Variants in HDAC9 observed in about 807,000 individuals in gnomAD.
HDAC9 encodes the protein histone deacetylase 9.
A neutral mutation model predicts 139.4 loss-of-function variants in HDAC9; 41 were observed. The observed-to-expected ratio is 0.29, with a 90% confidence interval of 0.23 to 0.38. The LOEUF is 0.38. Among genes scored for constraint, HDAC9 ranks in the 10% least tolerant of loss-of-function variants. HDAC9 has a pLI of 1.00. For missense variants in HDAC9, 1,147 were observed against 1,297.0 expected, an observed-to-expected ratio of 0.88 and a Z score of 1.78; for synonymous variants, 517 against 476.2, an observed-to-expected ratio of 1.09 and a Z score of -1.12.
chr7:18,345,233 A>C (rs575224389), intron 1 of HDAC9, among the ~76,000 whole-genome samples: 4 of 152,138 alleles, frequency 2.6e-5, no homozygotes, highest in Admixed American at 2.6e-4. Flanking sequence ...CTTCTAGATA[A>C]TGCTGTGTCC....
intron 1 of HDAC9, among the ~76,000 whole-genome samples, chr7:18,461,561 T>A (rs1245945390): frequency 6.6e-6 from 1 of 152,170 alleles, no homozygotes; most frequent in Admixed American, 6.6e-5. Flanking sequence ...TAATACAATT[T>A]CTTTTTTATT....
chr7:18,649,163 G>A (rs546660069), intron 11 of HDAC9, among the ~76,000 whole-genome samples: 2 of 152,268 alleles, frequency 1.3e-5, no homozygotes, highest in South Asian at 2.1e-4. Context: ...AGCGTTTGGA[G>A]TAGTTTCTCG....
chr7:18,829,036 A>T (rs1795666842), intron 17 of HDAC9, 125 bp from the exon 18 acceptor site: 1 of 724,032 alleles, frequency 1.4e-6, no homozygotes, highest in Admixed American at 2.0e-5. Flanking sequence ...ACAATCTCGG[A>T]AGCGTATGAG....
intron 2 of HDAC9, among the ~76,000 whole-genome samples, chr7:18,566,876 T>A (rs1320969526): frequency 1.3e-5 from 2 of 152,136 alleles, no homozygotes. Flanking sequence ...GTGTAGTGGA[T>A]GTAGTAGGTT....
In HDAC9 at chr7:18,207,474, G is replaced by A. The variant is rs75604122; in HGVS notation, c.25+45125G>A. The stretch of plus-strand genomic sequence containing the variant: ...CAGGATGGAGTGTAGTGGTGCAATC[G>A]TAGCTCACAGCAGCCTTGAACTCCT... On this transcript the variant is annotated intron_variant, in intron 2 of 12. Transcript: ENST00000417496. 1.0e-2 allele frequency among the ~76,000 whole-genome samples: 1,457 copies of A among 145,804 alleles called. 33 individuals carry two copies. The highest frequency in any genetic ancestry group is 0.034 in the African/African-American group (1,372 of 39,986).
At chr7:18,144,429 G>T (rs1375017777) in intron 1 of HDAC9, among the ~76,000 whole-genome samples, 1 of 152,094 alleles carries the variant, frequency 6.6e-6, no homozygotes. Context: ...TGGCCCTGTG[G>T]GTCCTACCTC....
chr7:18,100,227 G>A (rs1189844907), intron 1 of HDAC9, among the ~76,000 whole-genome samples: 1 of 151,608 alleles, frequency 6.6e-6, no homozygotes, highest in African/African-American at 2.4e-5. Context: ...GTCCTATAAC[G>A]TATTCTGTTT....
At chr7:18,782,884 T>A (rs1791370689) in intron 16 of HDAC9, among the ~76,000 whole-genome samples, 1 of 152,044 alleles carries the variant, frequency 6.6e-6, no homozygotes, top group South Asian at 2.1e-4. Context: ...GTTTGAATAG[T>A]TTGCAAGTGG....
chr7:18,403,974 G>C (rs1787776031), intron 1 of HDAC9, among the ~76,000 whole-genome samples: 1 of 152,188 alleles, frequency 6.6e-6, no homozygotes, highest in African/African-American at 2.4e-5. Flanking sequence ...TCCATGAAGA[G>C]GGGCGAGACC....
intron 17 of HDAC9, among the ~76,000 whole-genome samples, chr7:18,817,992 T>C (rs1006348072): frequency 3.3e-5 from 5 of 152,212 alleles, no homozygotes; most frequent in African/African-American, 1.2e-4. Context: ...TGATAATGCA[T>C]CGATATGAAT....
intron 1 of HDAC9, among the ~76,000 whole-genome samples, chr7:18,391,613 C>G (rs1786496664): frequency 6.6e-6 from 1 of 152,028 alleles, no homozygotes; most frequent in African/African-American, 2.4e-5. Flanking sequence ...ATAGTGTTAC[C>G]CAGAAGACAC....
At chr7:18,518,034 C>T (rs1258952289) in intron 2 of HDAC9, 5 of 152,172 alleles carry the variant, frequency 3.3e-5, no homozygotes, top group African/African-American at 7.2e-5. Context: ...ATTGTTTTCT[C>T]ATTTGAAATA....
chr7:18,420,847 G>T (rs948572997), intron 1 of HDAC9, among the ~76,000 whole-genome samples: 2 of 152,192 alleles, frequency 1.3e-5, no homozygotes. Flanking sequence ...ACCTGCTTTA[G>T]ATTGTGTGGT....
chr7:18,136,524 C>T (rs1785430806), intron 1 of HDAC9, among the ~76,000 whole-genome samples: 1 of 152,210 alleles, frequency 6.6e-6, no homozygotes, highest in Admixed American at 6.5e-5. Context: ...CTACATATGG[C>T]TAGCCAATTT....
chr7:18,587,521 A>G (rs1829795220), intron 3 of HDAC9, among the ~76,000 whole-genome samples: 2 of 152,176 alleles, frequency 1.3e-5, no homozygotes, highest in South Asian at 4.1e-4. Flanking sequence ...TTTTATTTTT[A>G]TGAGAAAGAT....
chr7:18,447,300 A>G (rs1040398453), intron 1 of HDAC9, among the ~76,000 whole-genome samples: 1 of 152,182 alleles, frequency 6.6e-6, no homozygotes, highest in African/African-American at 2.4e-5. Flanking sequence ...TATATTTTTT[A>G]TATTTTACAG....
At chr7:18,365,533 T>G (rs1270863626) in intron 1 of HDAC9, among the ~76,000 whole-genome samples, 1 of 152,124 alleles carries the variant, frequency 6.6e-6, no homozygotes, top group Non-Finnish European at 1.5e-5. Context: ...GTATTTTGTC[T>G]TCTTTCTCCA....
At chr7:18,956,033 T>C (rs1783120552) in intron 24 of HDAC9, among the ~76,000 whole-genome samples, 1 of 152,184 alleles carries the variant, frequency 6.6e-6, no homozygotes, top group African/African-American at 2.4e-5. Context: ...TCACTACTGA[T>C]GTTTTCAAGT....
Position 18,911,970 on chromosome 7 carries a change from G to A in HDAC9, c.2804-23839G>A, listed in dbSNP as rs559174304. ...TACTAATGAGAAGAATGTGTATTCT[G>A]CAGTTGTCAGATAAAATATTCTTTA... On this transcript the variant is annotated intron_variant, in intron 22 of 25. Coordinates refer to ENST00000686413, the MANE Select transcript of HDAC9 (RefSeq NM_178425.4). Among the ~76,000 whole-genome samples, 87 of 151,936 alleles carry A rather than the reference G, an allele frequency of 5.7e-4. 2 individuals are homozygous for A. The highest frequency in any genetic ancestry group is 4.4e-4 in the Non-Finnish European group (30 of 67,956).
Sources: allele counts gnomAD v4.1 joint callset (sites outside exome capture counted in the v4.1 genomes callset), GRCh38; gene constraint gnomAD v4.1.1; transcripts MANE v1.5; gene names NCBI Gene and HGNC (gene_info 2026-07-23, HGNC 2026-07-21).